The following TAF4B variants were observed in gnomAD, a reference collection of about 807,000 sequenced individuals.
The protein encoded by TAF4B is TATA-box binding protein associated factor 4b, also known as transcription initiation factor TFIID subunit 4B.
TAF4B carries 38 observed loss-of-function variants against 86.4 expected under a neutral mutation model. The ratio of observed to expected loss-of-function variants is 0.44; its 90% CI spans 0.34 to 0.58. The LOEUF (loss-of-function observed/expected upper bound fraction) is 0.58. Ranked by LOEUF, TAF4B falls within the 20% of genes least tolerant of loss-of-function variation. The pLI is 0.02. For synonymous variants in TAF4B, 388 were observed against 391.2 expected (o/e 0.99, Z 0.10); for missense variants, 988 against 1,027.6 (o/e 0.96, Z 0.53).
Position 26,346,773 on chromosome 18 carries a change from A to G in TAF4B, c.2317-10917A>G, listed in dbSNP as rs1226337988. 1.9e-3 allele frequency among the ~76,000 whole-genome samples: 47 copies of G among 24,116 alleles called. 9 individuals carry two copies. The highest frequency in any genetic ancestry group is 5.5e-3 in the South Asian group (3 of 550). 15.8% of individuals were successfully genotyped at this position (24,116 alleles called of 152,430 possible). A position where few individuals can be genotyped will look rare whatever the true frequency, so the allele number is the denominator to read the frequency against. On this transcript the variant is annotated intron_variant, in intron 13 of 14. Coordinates refer to ENST00000269142, the MANE Select transcript of TAF4B (RefSeq NM_005640.3). ...TATATATGTGTGTATATATATATATATGTGTGTGTATATATATATATATAT... is the reference window on the plus strand; with the variant it reads ...TATATATGTGTGTATATATATATATGTGTGTGTGTATATATATATATATAT...
chr18:26,337,548 G>A (rs555649086), intron 13 of TAF4B, among the ~76,000 whole-genome samples: 1 of 150,278 alleles, frequency 6.7e-6, no homozygotes, highest in Non-Finnish European at 1.5e-5. Flanking sequence ...TCAGCCTCCC[G>A]AGTAGCTGGG....
intron 13 of TAF4B, among the ~76,000 whole-genome samples, chr18:26,347,735 A>G (rs1354531383): frequency 6.6e-6 from 1 of 152,220 alleles, no homozygotes; most frequent in Middle Eastern, 3.2e-3. Context: ...ATAGAAAAAG[A>G]CATTTCCACA....
At position 26,286,517 on chromosome 18, in the gene TAF4B, T is replaced by A. The variant is rs1003256080; in HGVS notation, c.1590+18T>A. On this transcript the variant is annotated intron_variant, in intron 7 of 14. Coordinates refer to ENST00000269142, the MANE Select transcript of TAF4B (RefSeq NM_005640.3). ...AGCAACTAGTGAGTAACATTTTGTT[T>A]CTTCCCCAGTTACTTATTTTGAAAA... is the stretch of plus-strand genomic sequence containing the variant. The A allele has an allele frequency of 6.4e-7, 1 of 1,568,470 alleles. No homozygotes were observed. The highest frequency in any genetic ancestry group is 2.0e-5 in the Admixed American group (1 of 49,288).
At chr18:26,334,833 C>G (rs556883690) in intron 12 of TAF4B, among the ~76,000 whole-genome samples, 101 of 152,288 alleles carry the variant, frequency 6.6e-4, no homozygotes, top group African/African-American at 2.2e-3. Flanking sequence ...TTCATTTAAA[C>G]CAACAATTAC....
chr18:26,272,478 T>G (rs987323939), intron 3 of TAF4B, among the ~76,000 whole-genome samples: 7 of 152,182 alleles, frequency 4.6e-5, no homozygotes, highest in Non-Finnish European at 7.3e-5. Flanking sequence ...GACAGATTTT[T>G]TTTTTACTGG....
intron 5 of TAF4B, among the ~76,000 whole-genome samples, chr18:26,276,950 G>A (rs2056391517): frequency 6.6e-6 from 1 of 152,118 alleles, no homozygotes; most frequent in Non-Finnish European, 1.5e-5. Flanking sequence ...GTTTACTTTA[G>A]AACGACAAAC....
At position 26,350,060 on chromosome 18, in the gene TAF4B, A is replaced by G. The variant is rs544084800; in HGVS notation, c.2317-7630A>G. Among the ~76,000 whole-genome samples, 23 of 152,310 alleles carry G rather than the reference A, an allele frequency of 1.5e-4. No individual in the cohort carries two copies. The East Asian group carries it at 3.9e-3, about 26-fold the overall frequency. ...CACCTCTTACCCTATTAAAAAGTCA[A>G]ATGGTTCAGAGATCTAAGTGTAAAA... On this transcript the variant is annotated intron_variant, in intron 13 of 14. Transcript: ENST00000269142.
At position 26,286,357 on chromosome 18, in the gene TAF4B, C is replaced by G; in HGVS notation, c.1448C>G (p.Ser483Cys). 6.2e-7 allele frequency: 1 copy of G among 1,614,222 alleles called. No individual in the cohort carries two copies. Among genetic ancestry groups the G allele is most frequent in the Non-Finnish European group, 8.5e-7 (1 of 1,180,044 alleles). ...TCAGGTGCAGCTATTTGTCTTCCAT[C>G]TGTGAAACCTGTTGTTTCTTCTGCT... Reference protein sequence around the residue: ...ETSGAAICLPSVKPVVSSAGT... With the variant: ...ETSGAAICLPCVKPVVSSAGT... The change falls in exon 7 of 15, where the codon TCT becomes TGT. Residue 483 changes from serine (S) to cysteine (C), a missense_variant. By Grantham distance (112) the Ser-to-Cys change is moderately radical (BLOSUM62 -1). Coordinates refer to ENST00000269142, the MANE Select transcript of TAF4B (RefSeq NM_005640.3).
At chr18:26,301,830 T>G (rs185182850) in intron 9 of TAF4B, among the ~76,000 whole-genome samples, 2 of 152,254 alleles carry the variant, frequency 1.3e-5, no homozygotes, top group South Asian at 2.1e-4. Flanking sequence ...TCTCTCCTCA[T>G]GAGATTGCCT....
intron 7 of TAF4B, among the ~76,000 whole-genome samples, chr18:26,291,221 G>C (rs547854703): frequency 6.6e-6 from 1 of 152,176 alleles, no homozygotes; most frequent in African/African-American, 2.4e-5. Flanking sequence ...ACTATCAATA[G>C]CTGGCTCAAA....
chr18:26,292,849 A>G (rs1411644144), intron 8 of TAF4B, among the ~76,000 whole-genome samples: 1 of 152,174 alleles, frequency 6.6e-6, no homozygotes, highest in Non-Finnish European at 1.5e-5. Context: ...CTTTTTACAT[A>G]CATAGAAACT....
chr18:26,271,983 G>GA (rs2056325043), intron 3 of TAF4B, among the ~76,000 whole-genome samples: 1 of 138,776 alleles, frequency 7.2e-6, no homozygotes, highest in Non-Finnish European at 1.6e-5. Context: ...TTTATTAGGC[G>GA]AAAAGAAAAA....
At chr18:26,355,853 A>AT (rs1337611906) in intron 13 of TAF4B, among the ~76,000 whole-genome samples, 1 of 152,190 alleles carries the variant, frequency 6.6e-6, no homozygotes, top group Non-Finnish European at 1.5e-5. Flanking sequence ...CTAAAACTAT[A>AT]TTTTTTATTA....
At chr18:26,319,435 G>T (rs2056941035) in intron 10 of TAF4B, among the ~76,000 whole-genome samples, 1 of 148,206 alleles carries the variant, frequency 6.7e-6, no homozygotes, top group African/African-American at 2.5e-5. Flanking sequence ...GGGAGGCAAA[G>T]GTTGCAGTGA....
At chr18:26,235,657 G>T (rs186125333) in intron 1 of TAF4B, among the ~76,000 whole-genome samples, 1 of 152,248 alleles carries the variant, frequency 6.6e-6, no homozygotes, top group East Asian at 1.9e-4. Context: ...CAAGACTGTC[G>T]ATGTGGGATG....
intron 1 of TAF4B, among the ~76,000 whole-genome samples, chr18:26,262,958 G>T (rs2056190447): frequency 6.6e-6 from 1 of 150,928 alleles, no homozygotes. Context: ...TTTTTTAAAA[G>T]ATTTTATTTA....
At chr18:26,379,617 G>A (rs1225760568) in intron 14 of TAF4B, among the ~76,000 whole-genome samples, 2 of 152,066 alleles carry the variant, frequency 1.3e-5, no homozygotes, top group Non-Finnish European at 2.9e-5. Context: ...ATCAGATAGT[G>A]TGAGTGTTCC....
At chr18:26,264,774 A>T (rs181180736) in intron 1 of TAF4B, among the ~76,000 whole-genome samples, 1 of 152,216 alleles carries the variant, frequency 6.6e-6, no homozygotes, top group East Asian at 1.9e-4. Flanking sequence ...TCCTTTCCTC[A>T]TAAGTCTACA....
intron 5 of TAF4B, among the ~76,000 whole-genome samples, chr18:26,276,524 A>G (rs1346545331): frequency 1.3e-5 from 2 of 152,206 alleles, no homozygotes; most frequent in Non-Finnish European, 2.9e-5. Flanking sequence ...CAAATATTAT[A>G]CAGCAAAAAC....
Sources: allele counts gnomAD v4.1 joint callset (sites outside exome capture counted in the v4.1 genomes callset), GRCh38; gene constraint gnomAD v4.1.1; transcripts MANE v1.5; gene names NCBI Gene and HGNC (gene_info 2026-07-23, HGNC 2026-07-21).